The following RASEF variants were observed in gnomAD, a reference collection of about 807,000 sequenced individuals.
The protein encoded by RASEF is RAS and EF-hand domain containing.
Under a neutral mutation model 90.1 loss-of-function variants are expected in RASEF, and 68 were observed. The observed-to-expected ratio is 0.75, with a 90% CI of 0.62 to 0.92. The LOEUF (loss-of-function observed/expected upper bound fraction) is 0.92, where lower values mean the gene tolerates loss of function less well. Among genes scored for constraint, RASEF ranks in the 40% least tolerant of loss-of-function variants. RASEF has a pLI of 0.00. For missense variants in RASEF, 949 were observed against 937.2 expected (o/e 1.01, Z -0.16); for synonymous variants, 331 against 345.2 (o/e 0.96, Z 0.46).
At chr9:83,134,772 T>C in the RASEF span, among the ~76,000 whole-genome samples, 1 of 152,030 alleles carries the variant, frequency 6.6e-6, no homozygotes, top group African/African-American at 2.4e-5. Flanking sequence ...CCCAAGAGAA[T>C]TGAAAATAAA....
At chr9:83,040,692 T>C (rs554917927) in intron 1 of RASEF, among the ~76,000 whole-genome samples, 3 of 152,224 alleles carry the variant, frequency 2.0e-5, no homozygotes, top group Non-Finnish European at 4.4e-5. Context: ...GATTATTAAA[T>C]AGTTGGCATT....
the RASEF span, among the ~76,000 whole-genome samples, chr9:83,119,117 C>T: frequency 5.3e-5 from 8 of 150,216 alleles, no homozygotes; most frequent in East Asian, 3.9e-4. Flanking sequence ...AAGTGATTCT[C>T]GTGCCTCAGC....
At chr9:83,104,682 C>T in the RASEF span, among the ~76,000 whole-genome samples, 1 of 152,092 alleles carries the variant, frequency 6.6e-6, no homozygotes, top group Non-Finnish European at 1.5e-5. Context: ...CTCATCTGAC[C>T]CAATTATTCT....
At chr9:83,202,279 T>G in the RASEF span, among the ~76,000 whole-genome samples, 2 of 152,194 alleles carry the variant, frequency 1.3e-5, no homozygotes, top group Non-Finnish European at 2.9e-5. Flanking sequence ...CTAAAAGACA[T>G]GAGTCAAGCA....
At chr9:83,091,939 C>T in the RASEF span, among the ~76,000 whole-genome samples, 3 of 142,968 alleles carry the variant, frequency 2.1e-5, no homozygotes, top group African/African-American at 5.1e-5. Context: ...ACAATAACTA[C>T]AAAGCTCACT....
chr9:83,022,508 A>G (rs774788349), intron 2 of RASEF, 82 bp from the exon 3 acceptor site: 2 of 981,618 alleles, frequency 2.0e-6, no homozygotes, highest in Non-Finnish European at 3.3e-6. Context: ...CATCTACGTT[A>G]AGCCCTATAT....
the RASEF span, among the ~76,000 whole-genome samples, chr9:83,166,278 T>C: frequency 6.6e-6 from 1 of 152,118 alleles, no homozygotes; most frequent in African/African-American, 2.4e-5. Context: ...ATCACCAAAC[T>C]GGATACAGCA....
chr9:83,113,483 G>C, the RASEF span, among the ~76,000 whole-genome samples: 1 of 152,192 alleles, frequency 6.6e-6, no homozygotes, highest in African/African-American at 2.4e-5. Context: ...CATAAGGTCT[G>C]ACTGTCTGCG....
At chr9:83,093,429 C>A in the RASEF span, among the ~76,000 whole-genome samples, 1 of 152,236 alleles carries the variant, frequency 6.6e-6, no homozygotes, top group Non-Finnish European at 1.5e-5. Flanking sequence ...CTGCAGGTCC[C>A]AAGCCCTGCC....
At chr9:83,134,657 G>C in the RASEF span, among the ~76,000 whole-genome samples, 1 of 151,996 alleles carries the variant, frequency 6.6e-6, no homozygotes, top group Non-Finnish European at 1.5e-5. Flanking sequence ...CCTACAATGG[G>C]GTCATAAACT....
the RASEF span, among the ~76,000 whole-genome samples, chr9:83,204,585 T>C: frequency 6.6e-6 from 1 of 152,140 alleles, no homozygotes; most frequent in Non-Finnish European, 1.5e-5. Flanking sequence ...TCCAAAGACA[T>C]TGGACGAAAT....
the RASEF span, among the ~76,000 whole-genome samples, chr9:83,194,349 A>G: frequency 6.6e-6 from 1 of 152,132 alleles, no homozygotes; most frequent in African/African-American, 2.4e-5. Context: ...CTGCTCCTCA[A>G]TTTGGGTTTG....
At chr9:83,000,712 G>A in intron 10 of RASEF, 142 bp from the exon 11 acceptor site, 1 of 915,648 alleles carries the variant, frequency 1.1e-6, no homozygotes, top group South Asian at 1.8e-5. Flanking sequence ...TTAGGGAATA[G>A]AGTGACACTG....
At chr9:83,126,989 G>A in the RASEF span, among the ~76,000 whole-genome samples, 5 of 152,062 alleles carry the variant, frequency 3.3e-5, no homozygotes, top group East Asian at 9.7e-4. Flanking sequence ...TAATGCCTAT[G>A]GACCTATATC....
intron 2 of RASEF, among the ~76,000 whole-genome samples, chr9:83,023,806 C>G (rs577889898): frequency 6.6e-6 from 1 of 152,296 alleles, no homozygotes; most frequent in Admixed American, 6.5e-5. Flanking sequence ...ATGATAATTT[C>G]CCACCTACTT....
the RASEF span, among the ~76,000 whole-genome samples, chr9:83,070,154 T>C: frequency 7.9e-5 from 12 of 151,956 alleles, no homozygotes; most frequent in Non-Finnish European, 1.0e-4. Flanking sequence ...ATTCAACTTA[T>C]CAGTTTTTCA....
the RASEF span, among the ~76,000 whole-genome samples, chr9:83,121,961 A>G: frequency 6.6e-6 from 1 of 152,234 alleles, no homozygotes; most frequent in Admixed American, 6.5e-5. Flanking sequence ...AATAATAAGA[A>G]TACACACTTA....
intron 9 of RASEF, among the ~76,000 whole-genome samples, chr9:83,003,995 CT>C (rs1051160862): frequency 3.3e-4 from 51 of 152,274 alleles, no homozygotes; most frequent in Admixed American, 3.1e-3. Context: ...TAAATTCTAA[CT>C]TTTGGCAAGC....
the RASEF span, chr9:83,201,311 G>T: frequency 6.6e-6 from 1 of 152,240 alleles, no homozygotes; most frequent in Non-Finnish European, 1.5e-5. Flanking sequence ...ACAAGCAAAA[G>T]CCCATCCAGG....
Sources: allele counts gnomAD v4.1 joint callset (sites outside exome capture counted in the v4.1 genomes callset), GRCh38; gene constraint gnomAD v4.1.1; transcripts MANE v1.5; gene names NCBI Gene and HGNC (gene_info 2026-07-23, HGNC 2026-07-21).